Variants in ERBIN observed in about 807,000 individuals in gnomAD.
ERBIN encodes densin-180-like protein.
A neutral mutation model predicts 158.4 loss-of-function variants in ERBIN; 60 were observed. That is an observed-to-expected ratio of 0.38 (90% CI 0.31 to 0.47). The LOEUF (loss-of-function observed/expected upper bound fraction) is 0.47. Among genes scored for constraint, ERBIN ranks in the 20% least tolerant of loss-of-function variants. The pLI is 0.99. For synonymous variants in ERBIN, 594 were observed against 557.2 expected (o/e 1.07, Z -0.93); for missense variants, 1,610 against 1,648.0 (o/e 0.98, Z 0.40).
intron 1 of ERBIN, among the ~76,000 whole-genome samples, chr5:65,929,201 C>T (rs543844351): frequency 5.9e-5 from 9 of 152,184 alleles, no homozygotes. Flanking sequence ...TAACATATAT[C>T]ATTGGCAAAT....
In ERBIN at chr5:66,053,723, A is replaced by T. The variant is rs1341139487; in HGVS notation, c.2405A>T (p.Glu802Val). Residue 802 changes from glutamate (E) to valine (V), a missense_variant, in exon 21 of 26, where the codon GAG becomes GTG. Glu to Val is a moderately radical substitution (Grantham distance 121, BLOSUM62 -2). Around this residue, in one of 2 missense-constraint regions of ERBIN, gnomAD observed 1,014 missense variants for 936.1 expected, o/e 1.08. Coordinates refer to ENST00000284037, the MANE Select transcript of ERBIN (RefSeq NM_001253697.2). ...AGCTTTTTAAGCATTAATTCTAAAG[A>T]GGAAACTGAGCACTTGGAAAATGGA... is the stretch of plus-strand genomic sequence containing the variant. ...GTSFLSINSKEETEHLENGNK... is the reference protein window; with the variant it reads ...GTSFLSINSKVETEHLENGNK... 3 of 1,613,742 alleles carry T rather than the reference A, an allele frequency of 1.9e-6. No individual in the cohort carries two copies. The Admixed American group carries it at 5.0e-5, about 27-fold the overall frequency.
At chr5:65,949,115 C>T (rs1746181213) in intron 1 of ERBIN, among the ~76,000 whole-genome samples, 2 of 152,022 alleles carry the variant, frequency 1.3e-5, no homozygotes, top group Admixed American at 6.6e-5. Context: ...TGTTTAGTAT[C>T]ATATTAAGAA....
At chr5:65,967,061 C>T (rs1748725489) in intron 1 of ERBIN, among the ~76,000 whole-genome samples, 1 of 151,884 alleles carries the variant, frequency 6.6e-6, no homozygotes, top group African/African-American at 2.4e-5. Flanking sequence ...CCCTTGAGCC[C>T]AGGAGTTTGA....
intron 15 of ERBIN, among the ~76,000 whole-genome samples, chr5:66,041,593 G>A (rs16894779): frequency 2.0e-5 from 3 of 151,924 alleles, no homozygotes; most frequent in East Asian, 1.9e-4. Flanking sequence ...TGTAAGTGAC[G>A]AGAATTTGAC....
chr5:65,982,452 A>ATT (rs1454210918), intron 1 of ERBIN, among the ~76,000 whole-genome samples: 1 of 152,200 alleles, frequency 6.6e-6, no homozygotes, highest in East Asian at 1.9e-4. Flanking sequence ...TTTATGGAGA[A>ATT]TTGTCTTTCA....
chr5:66,041,756 T>C (rs12109438), intron 15 of ERBIN, among the ~76,000 whole-genome samples: 2,639 of 152,162 alleles, frequency 0.017, 78 homozygotes, highest in African/African-American at 0.061. Flanking sequence ...GAGGGAATTA[T>C]ATGAATTAAA....
chr5:65,935,959 T>TGAGTGATCCTTCCACCTCGAACCTC (rs1468208056), intron 1 of ERBIN, among the ~76,000 whole-genome samples: 5 of 152,174 alleles, frequency 3.3e-5, no homozygotes, highest in African/African-American at 1.2e-4. Context: ...CTCCTGGGCT[T>TGAGTGATCCTTCCACCTCGAACCTC]GAGTGATCCT....
At chr5:66,019,405 T>C (rs1413022908) in intron 7 of ERBIN, among the ~76,000 whole-genome samples, 1 of 152,208 alleles carries the variant, frequency 6.6e-6, no homozygotes. Context: ...ACACAAAAGA[T>C]GTTTTACTTT....
At chr5:66,043,498 TCA>T (rs2151203359) in intron 16 of ERBIN, among the ~76,000 whole-genome samples, 1 of 152,250 alleles carries the variant, frequency 6.6e-6, no homozygotes, top group East Asian at 1.9e-4. Context: ...ATGTTTAACT[TCA>T]GTTTAGCTGA....
intron 4 of ERBIN, among the ~76,000 whole-genome samples, chr5:65,995,104 T>A (rs1011157742): frequency 3.9e-5 from 6 of 152,218 alleles, no homozygotes; most frequent in African/African-American, 1.4e-4. Context: ...TTGTTTAATA[T>A]GTGTATGTAA....
At chr5:66,015,230 A>G (rs1376762302) in intron 7 of ERBIN, among the ~76,000 whole-genome samples, 3 of 152,218 alleles carry the variant, frequency 2.0e-5, no homozygotes, top group African/African-American at 7.2e-5. Context: ...TTTAATTATA[A>G]AAGAAACAGG....
intron 5 of ERBIN, among the ~76,000 whole-genome samples, chr5:66,013,144 A>AT (rs1478858422): frequency 6.6e-6 from 1 of 152,204 alleles, no homozygotes; most frequent in Non-Finnish European, 1.5e-5. Context: ...ACAACAAAGA[A>AT]TTATTCAGCC....
intron 15 of ERBIN, among the ~76,000 whole-genome samples, chr5:66,042,706 A>T (rs1758030027): frequency 6.6e-6 from 1 of 152,132 alleles, no homozygotes; most frequent in Non-Finnish European, 1.5e-5. Context: ...TATATAATCC[A>T]TATTATGTAT....
chr5:66,000,177 T>C (rs1195435404), intron 4 of ERBIN, among the ~76,000 whole-genome samples: 5 of 152,148 alleles, frequency 3.3e-5, no homozygotes, highest in Admixed American at 2.0e-4. Context: ...CATCTGAAAT[T>C]GTATGTATTG....
intron 7 of ERBIN, among the ~76,000 whole-genome samples, chr5:66,017,155 A>T (rs1040238393): frequency 2.6e-5 from 4 of 152,118 alleles, no homozygotes; most frequent in African/African-American, 4.8e-5. Context: ...CCATAGACAT[A>T]GGAGTTCAGA....
At chr5:65,930,594 C>T (rs1313342438) in intron 1 of ERBIN, among the ~76,000 whole-genome samples, 3 of 152,240 alleles carry the variant, frequency 2.0e-5, no homozygotes, top group African/African-American at 7.2e-5. Context: ...AGGCATGAGC[C>T]ACCGCTCCCG....
At chr5:65,988,858 T>C (rs1362388090) in intron 2 of ERBIN, among the ~76,000 whole-genome samples, 176 bp downstream of exon 2, 1 of 151,070 alleles carries the variant, frequency 6.6e-6, no homozygotes, top group Non-Finnish European at 1.5e-5. Context: ...TGGTGGCTGG[T>C]GGCATGGTAG....
At chr5:65,957,109 T>G (rs1270819305) in intron 1 of ERBIN, among the ~76,000 whole-genome samples, 1 of 152,246 alleles carries the variant, frequency 6.6e-6, no homozygotes, top group East Asian at 1.9e-4. Flanking sequence ...TATTATAATT[T>G]AACCCTTTTT....
At chr5:66,061,322 T>G (rs1441005588) in intron 21 of ERBIN, among the ~76,000 whole-genome samples, 1 of 152,146 alleles carries the variant, frequency 6.6e-6, no homozygotes, top group Non-Finnish European at 1.5e-5. Flanking sequence ...CTTTTGATCT[T>G]TGTTGGTTTA....
Sources: allele counts gnomAD v4.1 joint callset (sites outside exome capture counted in the v4.1 genomes callset), GRCh38; gene constraint gnomAD v4.1.1; regional missense constraint gnomAD v4.1.1; transcripts MANE v1.5; gene names NCBI Gene and HGNC (gene_info 2026-07-23, HGNC 2026-07-21).